CFAP46: variants seen among roughly 807,000 people sequenced by gnomAD.
The protein encoded by CFAP46 is cilia- and flagella-associated protein 46.
A neutral mutation model predicts 325.7 loss-of-function variants in CFAP46; 245 were observed. The observed-to-expected ratio is 0.75, with a 90% CI of 0.68 to 0.84. CFAP46 has a LOEUF of 0.84. CFAP46 is among the 40% of genes least tolerant of loss of function. The pLI is 0.00. For synonymous variants in CFAP46, 1,523 were observed against 1,495.9 expected, an observed-to-expected ratio of 1.02 and a Z score of -0.42; for missense variants, 3,346 against 3,543.0, an observed-to-expected ratio of 0.94 and a Z score of 1.41.
chr10:132,915,754 G>A (rs1225987927), intron 17 of CFAP46, among the ~76,000 whole-genome samples: 1 of 152,242 alleles, frequency 6.6e-6, no homozygotes, highest in African/African-American at 2.4e-5. Flanking sequence ...TGCACGGCGA[G>A]CGACTATAGT....
chr10:132,866,182 C>T lies in CFAP46; in HGVS notation c.4744-11G>A. 6.6e-7 allele frequency: 1 copy of T among 1,509,812 alleles called. No individual in the cohort carries two copies. The highest frequency in any genetic ancestry group is 8.9e-7 in the Non-Finnish European group (1 of 1,125,996). The allele number at this position is 1,509,812 out of a possible 1,614,324, so 93.5% of individuals were successfully genotyped here. On this transcript the variant is annotated splice_polypyrimidine_tract_variant and intron_variant, in intron 34 of 57. Coordinates refer to ENST00000368586, the MANE Select transcript of CFAP46 (RefSeq NM_001200049.3). ...ATTCATCTTCAAAATCTGTAAGATA[C>T]CGCAGCCCCAGGCGGCACGATCCTG... is the stretch of plus-strand genomic sequence containing the variant.
rs965097033 is a variant in CFAP46, at chr10:132,817,179, T to C, written c.7118-2265A>G. ...TATTGCTTTTTGTATTTAGAGGCTA[T>C]TTCATACCTCTGAGGAGGCGAACTT... On this transcript the variant is annotated intron_variant, in intron 50 of 57. Transcript: ENST00000368586. The surrounding 1 kb of genome is among the most constrained non-coding windows in gnomAD (Gnocchi z 4.4). 1.3e-5 allele frequency among the ~76,000 whole-genome samples: 2 copies of C among 152,224 alleles called. No individual in the cohort carries two copies. The highest frequency in any genetic ancestry group is 2.9e-5 in the Non-Finnish European group (2 of 68,036).
intron 33 of CFAP46, among the ~76,000 whole-genome samples, chr10:132,868,615 C>T (rs746153077): frequency 3.3e-5 from 5 of 152,150 alleles, no homozygotes; most frequent in Admixed American, 1.3e-4. Context: ...GCGAAATGGC[C>T]GGAAGAGCAT....
rs536536322 is a variant in CFAP46, at chr10:132,823,094, TTGTA to T, written c.7118-8184_7118-8181del. Among the ~76,000 whole-genome samples the T allele has an allele frequency of 1.6e-4, 19 of 119,962 alleles. No individual in the cohort carries two copies. In the South Asian group the frequency reaches 5.8e-3, roughly 37 times the overall value. 78.7% of individuals were successfully genotyped at this position (119,962 alleles called of 152,430 possible). On this transcript the variant is annotated intron_variant, in intron 50 of 57. Coordinates refer to ENST00000368586, the MANE Select transcript of CFAP46 (RefSeq NM_001200049.3). ...TGTGCTGTGTGTGCTGATGTGTGCTTTGTATGTGCTGATGTGTGCTGTGTGTGTG... is the reference window on the plus strand; with the variant it reads ...TGTGCTGTGTGTGCTGATGTGTGCTTTGTGCTGATGTGTGCTGTGTGTGTG...
intron 4 of CFAP46, 52 bp from the exon 5 acceptor site, chr10:132,938,805 AAGCTGCAG>A: frequency 8.9e-6 from 14 of 1,567,976 alleles, no homozygotes; most frequent in Non-Finnish European, 1.2e-5. Flanking sequence ...CAGCCGGCCC[AAGCTGCAG>A]AACCAAGGGG....
In CFAP46 at chr10:132,859,100, G is replaced by A. The variant is rs1015442544; in HGVS notation, c.5346C>T (p.Asp1782=). The part of the protein sequence containing the change: ...IDCGCKENCV[D]VKLERAKIKR... Reference sequence around the variant, plus strand: ...TGATCTTCGCACGCTCTAGTTTTACGTCAACACAATTCTCTTTGCAGCCAC... The same window carrying A: ...TGATCTTCGCACGCTCTAGTTTTACATCAACACAATTCTCTTTGCAGCCAC... The change falls in exon 38 of 58, where the codon GAC becomes GAT. Residue 1782 remains aspartate, a synonymous_variant. Transcript: ENST00000368586. 25 of 1,550,804 alleles carry A rather than the reference G, an allele frequency of 1.6e-5. No individual in the cohort carries two copies. The highest frequency in any genetic ancestry group is 9.8e-5 in the East Asian group (4 of 40,924).
Position 132,820,196 on chromosome 10 carries a change from C to T in CFAP46, c.7118-5282G>A, listed in dbSNP as rs192371897. On this transcript the variant is annotated intron_variant, in intron 50 of 57. Transcript: ENST00000368586. ...CCTTAGCAAGATGACATCCTGTCGC[C>T]GTTGGCGACAACATGGATGAACCTT... Among the ~76,000 whole-genome samples, 647 of 152,336 alleles carry T rather than the reference C, an allele frequency of 4.2e-3. 7 individuals carry two copies. The highest frequency in any genetic ancestry group is 0.03 in the South Asian group (146 of 4,828).
chr10:132,933,266 A>G (rs971121645), intron 8 of CFAP46, among the ~76,000 whole-genome samples: 2 of 152,082 alleles, frequency 1.3e-5, no homozygotes, highest in Non-Finnish European at 2.9e-5. Context: ...TGGCATCACA[A>G]CACTGGCCTC....
rs189775198 is a variant in CFAP46 at position 132,857,650 on chromosome 10, G to A, written c.5514C>T (p.Gly1838=). The A allele has an allele frequency of 0.012, 18,591 of 1,612,780 alleles. 245 individuals are homozygous for A. The highest frequency in any genetic ancestry group is 0.056 in the Middle Eastern group (342 of 6,054). Residue 1838 remains glycine (G), a synonymous_variant, in exon 39 of 58, where the codon GGC becomes GGT. Transcript: ENST00000368586. ...GCCTCCCTTCTTCCTCAGCCATGGC[G>A]CCCTGGGCCAGGCCATATAAGCCCT... The part of the protein sequence containing the change: ...SIQGLYGLAQ[G]AMAEEEGRLH...
chr10:132,822,812 C>CTGA lies in CFAP46; in HGVS notation c.7118-7899_7118-7898insTCA, dbSNP rs1847902829. On this transcript the variant is annotated intron_variant, in intron 50 of 57. Coordinates refer to ENST00000368586, the MANE Select transcript of CFAP46 (RefSeq NM_001200049.3). The stretch of plus-strand genomic sequence containing the variant: ...TGTGCTGTGTGTGTGCTGATGTGTG[C>CTGA]TGTGTGCTGTGTGTGCTGATGTGTG... Among the ~76,000 whole-genome samples, 3 of 111,596 alleles carry CTGA rather than the reference C, an allele frequency of 2.7e-5. No homozygotes were observed. The South Asian group carries it at 9.4e-4, about 35-fold the overall frequency. 73.2% of individuals were successfully genotyped at this position (111,596 alleles called of 152,430 possible). A position where few individuals can be genotyped will look rare whatever the true frequency, so the allele number is the denominator to read the frequency against.
Position 132,912,222 on chromosome 10 carries a change from T to TTCTCCTCTC in CFAP46, c.2499+424_2499+432dup, listed in dbSNP as rs777643290. Among the ~76,000 whole-genome samples the TTCTCCTCTC allele has an allele frequency of 1.5e-3, 160 of 103,626 alleles. 9 individuals carry two copies. The highest frequency in any genetic ancestry group is 3.5e-3 in the South Asian group (9 of 2,564). 68.0% of individuals were successfully genotyped at this position (103,626 alleles called of 152,430 possible). ...CTCTCTCTCTTCCCTCTCCTCTCTC[T>TTCTCCTCTC]TCTCCTCTCTCCTGTCCTCTTTCCT... On this transcript the variant is annotated intron_variant, in intron 19 of 57. Transcript: ENST00000368586.
rs1021818686 is a variant in CFAP46 at position 132,816,560 on chromosome 10, T to A, written c.7118-1646A>T. ...GTTAGCCAGGATGGTCTCGATCTCC[T>A]GACCTTGGGTGATCCGCCCACCTTG... is the stretch of plus-strand genomic sequence containing the variant. On this transcript the variant is annotated intron_variant, in intron 50 of 57. Transcript: ENST00000368586. Among the ~76,000 whole-genome samples the A allele has an allele frequency of 3.3e-5, 5 of 152,254 alleles. No homozygotes were observed. The East Asian group carries it at 9.7e-4, about 29-fold the overall frequency.
chr10:132,865,205 A>G (rs1337597232), intron 35 of CFAP46, among the ~76,000 whole-genome samples: 1 of 152,222 alleles, frequency 6.6e-6, no homozygotes, highest in Admixed American at 6.5e-5. Flanking sequence ...TTTGGAGGGC[A>G]GTCAGTGCTG....
In CFAP46 at chr10:132,817,968, G is replaced by T. The variant is rs962271188; in HGVS notation, c.7118-3054C>A. Among the ~76,000 whole-genome samples, 2 of 152,192 alleles carry T rather than the reference G, an allele frequency of 1.3e-5. No individual in the cohort carries two copies. Among genetic ancestry groups the T allele is most frequent in the African/African-American group, 2.4e-5 (1 of 41,458 alleles). On this transcript the variant is annotated intron_variant, in intron 50 of 57. Coordinates refer to ENST00000368586, the MANE Select transcript of CFAP46 (RefSeq NM_001200049.3). The surrounding 1 kb of genome is among the most constrained non-coding windows in gnomAD (Gnocchi z 4.4). The stretch of plus-strand genomic sequence containing the variant: ...TCACCGTCGGCAGCGCAGCCCCCAG[G>T]CTCCTTCTCCTGCTTCTCTTGTGTG...
intron 13 of CFAP46, among the ~76,000 whole-genome samples, chr10:132,921,625 T>G (rs1327108833): frequency 6.6e-6 from 1 of 152,094 alleles, no homozygotes; most frequent in Non-Finnish European, 1.5e-5. Context: ...ATGACCTTCT[T>G]TGGAGGTAAT....
At chr10:132,841,568 TG>T in intron 44 of CFAP46, among the ~76,000 whole-genome samples, 1 of 152,330 alleles carries the variant, frequency 6.6e-6, no homozygotes, top group Admixed American at 6.5e-5. Context: ...GGGCTGTCTG[TG>T]GTGGCTCCAT....
intron 44 of CFAP46, among the ~76,000 whole-genome samples, chr10:132,843,398 T>G (rs1476121211): frequency 2.7e-5 from 4 of 145,968 alleles, no homozygotes; most frequent in Non-Finnish European, 6.0e-5. Flanking sequence ...TGTAAGGCTC[T>G]GGTCTCGGTG....
chr10:132,940,044 C>A (rs1271377500), intron 4 of CFAP46, among the ~76,000 whole-genome samples: 1 of 152,196 alleles, frequency 6.6e-6, no homozygotes, highest in Admixed American at 6.5e-5. Flanking sequence ...ACCCACCACT[C>A]CCGCGTCACA....
At chr10:132,899,229 C>T in intron 23 of CFAP46, 108 bp from the exon 24 acceptor site, 1 of 1,247,362 alleles carries the variant, frequency 8.0e-7, no homozygotes, top group Non-Finnish European at 1.1e-6. Flanking sequence ...CACACGCTCG[C>T]TCCCTCCTGG....
Sources: gnomAD v4.1 joint callset for allele counts (sites outside exome capture counted in the v4.1 genomes callset) on GRCh38, gnomAD v4.1.1 for gene constraint, Gnocchi (gnomAD v3.1) non-coding constraint, MANE v1.5 for transcripts, NCBI Gene and HGNC (gene_info 2026-07-23, HGNC 2026-07-21) for gene names.